Variants in CDK13 observed in about 807,000 individuals in gnomAD.
CDK13 encodes cyclin dependent kinase 13.
In CDK13, 40 loss-of-function variants were observed where a neutral mutation model predicts 137.6. The observed-to-expected ratio is 0.29, with a 90% CI of 0.23 to 0.38. The LOEUF is 0.38. CDK13 is among the 10% of genes least tolerant of loss of function. CDK13 has a pLI of 1.00. For synonymous variants in CDK13, 869 were observed against 760.1 expected, an observed-to-expected ratio of 1.14 and a Z score of -2.36; for missense variants, 1,704 against 1,951.8, an observed-to-expected ratio of 0.87 and a Z score of 2.39.
intron 9 of CDK13, among the ~76,000 whole-genome samples, chr7:40,074,382 G>T (rs1032219336): frequency 6.6e-6 from 1 of 152,060 alleles, no homozygotes; most frequent in African/African-American, 2.4e-5. Context: ...AATTAGCCGG[G>T]TGTGGTGGCA....
intron 1 of CDK13, among the ~76,000 whole-genome samples, chr7:39,970,417 T>A (rs1360429693): frequency 6.6e-6 from 1 of 152,204 alleles, no homozygotes; most frequent in Non-Finnish European, 1.5e-5. Context: ...AATGTTAACA[T>A]TATGATAGCA....
chr7:39,952,132 G>A (rs1290113148), intron 1 of CDK13: 1 of 335,124 alleles, frequency 3.0e-6, no homozygotes, highest in African/African-American at 2.1e-5. Flanking sequence ...TTGCATTAAT[G>A]TGTTAACAGG....
Position 39,951,126 on chromosome 7 carries a change from C to T in CDK13, c.485C>T (p.Ala162Val), listed in dbSNP as rs1216683440. 2 of 1,243,262 alleles carry T rather than the reference C, an allele frequency of 1.6e-6. No individual in the cohort carries two copies. The highest frequency in any genetic ancestry group is 2.0e-6 in the Non-Finnish European group (2 of 994,932). The allele number at this position is 1,243,262 out of a possible 1,614,324, so 77.0% of individuals were successfully genotyped here. A position where few individuals can be genotyped will look rare whatever the true frequency, so the allele number is the denominator to read the frequency against. The change falls in exon 1 of 14, where the codon GCC (alanine) becomes GTC (valine). Residue 162 changes from alanine to valine, a missense_variant. By Grantham distance (64) the Ala-to-Val change is moderately conservative. Transcript: ENST00000181839. ...GAGCAGGGGCTGCTGCTGGGGGGGG[C>T]CAGCGCGGCAACGGCGGCGACGGCT... ...QSEQGLLLGGASAATAATAAG... is the reference protein window; with the variant it reads ...QSEQGLLLGGVSAATAATAAG...
At chr7:39,966,266 A>G (rs1783868054) in intron 1 of CDK13, among the ~76,000 whole-genome samples, 1 of 152,152 alleles carries the variant, frequency 6.6e-6, no homozygotes, top group African/African-American at 2.4e-5. Context: ...AATCAGATGT[A>G]GATTTGGTGT....
chr7:40,076,015 T>C (rs749438521), intron 9 of CDK13, among the ~76,000 whole-genome samples: 2 of 152,234 alleles, frequency 1.3e-5, no homozygotes, highest in Non-Finnish European at 2.9e-5. Context: ...ATTTATCTTA[T>C]TCCATTTCCC....
At chr7:39,957,847 A>C (rs1035809651) in intron 1 of CDK13, among the ~76,000 whole-genome samples, 6 of 152,204 alleles carry the variant, frequency 3.9e-5, no homozygotes, top group Admixed American at 2.6e-4. Context: ...ACCAGTTGGA[A>C]GTGAATGTTG....
In CDK13 at chr7:40,047,552, T is replaced by TA. The variant is rs568981481; in HGVS notation, c.2544-268dup. On this transcript the variant is annotated intron_variant, in intron 6 of 13. Transcript: ENST00000181839. ...AAATAGGAACTGAATAGTAATAAAA[T>TA]ACTATTCTAATATTATAATACAGTA... Among the ~76,000 whole-genome samples the TA allele has an allele frequency of 7.2e-4, 110 of 152,090 alleles. 4 individuals carry two copies. In the South Asian group the frequency reaches 0.021, roughly 29 times the overall value.
intron 5 of CDK13, among the ~76,000 whole-genome samples, chr7:40,031,966 C>T (rs1000691513): frequency 6.6e-6 from 1 of 152,002 alleles, no homozygotes. Flanking sequence ...GGATTATAGA[C>T]GTGAGCCACC....
rs140730092 is a variant in CDK13 at position 40,069,228 on chromosome 7, T to A, written c.2780+6128T>A. 9.8e-4 allele frequency: 417 copies of A among 427,008 alleles called. 3 individuals carry two copies. The highest frequency in any genetic ancestry group is 6.9e-3 in the African/African-American group (336 of 48,990). The allele number at this position is 427,008 out of a possible 1,614,324, so 26.5% of individuals were successfully genotyped here. A position where few individuals can be genotyped will look rare whatever the true frequency, so the allele number is the denominator to read the frequency against. On this transcript the variant is annotated intron_variant, in intron 9 of 13. Coordinates refer to ENST00000181839, the MANE Select transcript of CDK13 (RefSeq NM_003718.5). ...TTAGTCTGGGCAGCAGAGCGAGACC[T>A]TGTCTCAAAAAAACAGAAATAAAAC...
chr7:40,056,138 G>A (rs1018619808), intron 7 of CDK13, among the ~76,000 whole-genome samples: 2 of 152,186 alleles, frequency 1.3e-5, no homozygotes, highest in South Asian at 2.1e-4. Flanking sequence ...CTCCACCTAC[G>A]TTGGAACTTG....
At chr7:39,988,474 C>A (rs1784388707) in intron 2 of CDK13, among the ~76,000 whole-genome samples, 1 of 151,784 alleles carries the variant, frequency 6.6e-6, no homozygotes, top group East Asian at 1.9e-4. Flanking sequence ...GGAAAAATTG[C>A]CATTGTCTTG....
chr7:40,030,095 G>A (rs1378205160), intron 5 of CDK13, among the ~76,000 whole-genome samples: 2 of 152,104 alleles, frequency 1.3e-5, no homozygotes, highest in African/African-American at 4.8e-5. Context: ...AAAAGCACTA[G>A]TAGCATCTCT....
chr7:39,965,412 C>G (rs1783848186), intron 1 of CDK13, among the ~76,000 whole-genome samples: 1 of 152,112 alleles, frequency 6.6e-6, no homozygotes, highest in Admixed American at 6.6e-5. Flanking sequence ...GGCTTAAAGT[C>G]TGTTTTATCT....
chr7:39,972,947 A>G (rs760117611), intron 1 of CDK13, among the ~76,000 whole-genome samples: 2 of 152,182 alleles, frequency 1.3e-5, no homozygotes, highest in Non-Finnish European at 2.9e-5. Flanking sequence ...GTTTCTTCAC[A>G]TCCTCAACAA....
rs1231963814 is a variant in CDK13 at position 40,047,826 on chromosome 7, A to G, written c.2549A>G (p.Gln850Arg). ...CSNILLNNRG[Q>R]IKLADFGLAR... ...TTTTGTCTTATTTCCACCAGAGGGC[A>G]GATAAAACTTGCAGACTTTGGACTT... Residue 850 changes from glutamine to arginine, a missense_variant, in exon 7 of 14, where the codon CAG (glutamine) becomes CGG (arginine). Transcript: ENST00000181839. The G allele has an allele frequency of 5.0e-6, 8 of 1,607,838 alleles. No homozygotes were observed. In the East Asian group the frequency reaches 6.7e-5, roughly 13 times the overall value.
chr7:39,958,788 A>T (rs961047829), intron 1 of CDK13, among the ~76,000 whole-genome samples: 2 of 152,070 alleles, frequency 1.3e-5, no homozygotes, highest in Admixed American at 6.6e-5. Flanking sequence ...CCTGGGGATA[A>T]AATTTTTGAG....
chr7:40,072,534 T>C (rs1786445173), intron 9 of CDK13: 1 of 152,234 alleles, frequency 6.6e-6, no homozygotes, highest in Non-Finnish European at 1.5e-5. Context: ...AGTTGAATCA[T>C]GTTAAGGTGC....
chr7:39,977,789 G>A (rs951069697), intron 1 of CDK13, among the ~76,000 whole-genome samples: 6 of 152,136 alleles, frequency 3.9e-5, no homozygotes, highest in Admixed American at 1.3e-4. Flanking sequence ...ACTTGCACTG[G>A]GCCCAGTGTG....
chr7:40,002,114 T>A, intron 5 of CDK13, 83 bp downstream of exon 5: 1 of 864,124 alleles, frequency 1.2e-6, no homozygotes, highest in Non-Finnish European at 1.8e-6. Context: ...TAGATGTGAC[T>A]ATTTGAGTAA....
Sources: allele counts gnomAD v4.1 joint callset (sites outside exome capture counted in the v4.1 genomes callset), GRCh38; gene constraint gnomAD v4.1.1; transcripts MANE v1.5; gene names NCBI Gene and HGNC (gene_info 2026-07-23, HGNC 2026-07-21).